The following RPS6KA1 variants were observed in gnomAD, a reference collection of about 807,000 sequenced individuals.
RPS6KA1 encodes the protein ribosomal protein S6 kinase alpha-1.
Under a neutral mutation model 91.3 loss-of-function variants are expected in RPS6KA1, and 48 were observed. That is an observed-to-expected ratio of 0.53 (90% CI 0.42 to 0.67). RPS6KA1 has a LOEUF of 0.67. Among genes scored for constraint, RPS6KA1 ranks in the 30% least tolerant of loss-of-function variants. The pLI, the probability that RPS6KA1 is intolerant of heterozygous loss-of-function variation, is 0.00. For synonymous variants in RPS6KA1, 359 were observed against 384.7 expected (o/e 0.93, Z 0.78); for missense variants, 719 against 960.5 (o/e 0.75, Z 3.32).
At chr1:26,568,065 G>A (rs1419401404) in intron 17 of RPS6KA1, among the ~76,000 whole-genome samples, 1 of 152,186 alleles carries the variant, frequency 6.6e-6, no homozygotes, top group East Asian at 1.9e-4. Flanking sequence ...AAGATAAGGG[G>A]TGTTTTTTGA....
rs2076082418 is a variant in RPS6KA1 at position 26,554,584 on chromosome 1, T to A, written c.614-12T>A. Reference sequence around the variant, plus strand: ...GGTCCTAAGGTGTGTCCTCCTGCCCTCCTTGCTGTAGACTTTGGCCTGAGC... The same window carrying A: ...GGTCCTAAGGTGTGTCCTCCTGCCCACCTTGCTGTAGACTTTGGCCTGAGC... On this transcript the variant is annotated splice_polypyrimidine_tract_variant and intron_variant, in intron 8 of 21. Coordinates refer to ENST00000374168, the MANE Select transcript of RPS6KA1 (RefSeq NM_002953.4). The surrounding 1 kb of genome is among the most constrained non-coding windows in gnomAD (Gnocchi z 4.6). The A allele has an allele frequency of 1.9e-6, 3 of 1,607,728 alleles. No individual in the cohort carries two copies. Among genetic ancestry groups the A allele is most frequent in the South Asian group, 2.2e-5 (2 of 90,712 alleles).
intron 2 of RPS6KA1, among the ~76,000 whole-genome samples, chr1:26,541,558 GA>G (rs915995933): frequency 4.5e-4 from 68 of 151,966 alleles, no homozygotes; most frequent in African/African-American, 1.6e-3. Context: ...CCCTCTCAAA[GA>G]AAAAAAAGGC....
intron 2 of RPS6KA1, among the ~76,000 whole-genome samples, chr1:26,541,813 C>G (rs1176593167): frequency 6.6e-6 from 1 of 152,174 alleles, no homozygotes; most frequent in Non-Finnish European, 1.5e-5. Context: ...CTTTTGGTGT[C>G]CGTTAGGGCC....
At position 26,572,201 on chromosome 1, in the gene RPS6KA1, A is replaced by G. The variant is rs368086441; in HGVS notation, c.1855A>G (p.Ser619Gly). ...AGYTPFANGPSDTPEEILTRI... is the reference protein window; with the variant it reads ...AGYTPFANGPGDTPEEILTRI... Reference sequence around the variant, plus strand: ...ATATACTCCATTTGCCAACGGTCCCAGTGACACACCAGAGGAAATCCTAAC... The same window carrying G: ...ATATACTCCATTTGCCAACGGTCCCGGTGACACACCAGAGGAAATCCTAAC... The change falls in exon 20 of 22, where the codon AGT becomes GGT. Residue 619 changes from serine to glycine, a missense_variant. Ser to Gly is a moderately conservative substitution (Grantham distance 56). Around this residue, in one of 5 missense-constraint regions of RPS6KA1, gnomAD observed 249 missense variants for 323.1 expected, o/e 0.77. Transcript: ENST00000374168. 6.2e-7 allele frequency: 1 copy of G among 1,614,068 alleles called. No homozygotes were observed. Among genetic ancestry groups the G allele is most frequent in the Non-Finnish European group, 8.5e-7 (1 of 1,179,978 alleles).
At chr1:26,536,881 G>A (rs558356835) in intron 1 of RPS6KA1, 44 bp from the exon 2 acceptor site, 3 of 1,609,736 alleles carry the variant, frequency 1.9e-6, no homozygotes, top group Middle Eastern at 3.3e-4. Context: ...TCCCAAGCGT[G>A]TAAGTTCTGA....
At chr1:26,564,943 T>C (rs1311825629) in intron 17 of RPS6KA1, among the ~76,000 whole-genome samples, 2 of 152,256 alleles carry the variant, frequency 1.3e-5, no homozygotes, top group African/African-American at 4.8e-5. Flanking sequence ...GGCAAGCCAG[T>C]GTACCCGTGG....
chr1:26,546,869 T>A lies in RPS6KA1; in HGVS notation c.111T>A (p.Asp37Glu). Residue 37 changes from aspartate to glutamate, a missense_variant and splice_region_variant, in exon 3 of 22, where the codon GAT becomes GAA. Physicochemically the swap from Asp to Glu is conservative, Grantham distance 45. Transcript: ENST00000374168. ...GEEAGLQPSK[D>E]EGVLKEISIT... ...CACCAGCTCTGTCCCTCCATCAGGA[T>A]GAGGGCGTCCTCAAGGAGATCTCCA... 1 of 1,613,306 alleles carries A rather than the reference T, an allele frequency of 6.2e-7. No homozygotes were observed. Among genetic ancestry groups the A allele is most frequent in the Non-Finnish European group, 8.5e-7 (1 of 1,179,312 alleles).
intron 2 of RPS6KA1, among the ~76,000 whole-genome samples, chr1:26,537,954 C>T (rs2075918506): frequency 6.6e-6 from 1 of 152,244 alleles, no homozygotes; most frequent in African/African-American, 2.4e-5. Context: ...TTGCTCAGCT[C>T]AGCTTCCTGC....
At chr1:26,536,879 G>A (rs538528569) in intron 1 of RPS6KA1, 46 bp from the exon 2 acceptor site, 16 of 1,607,168 alleles carry the variant, frequency 1.0e-5, no homozygotes, top group East Asian at 2.2e-5. Context: ...TCTCCCAAGC[G>A]TGTAAGTTCT....
intron 17 of RPS6KA1, among the ~76,000 whole-genome samples, chr1:26,569,820 C>A (rs1381606765): frequency 6.6e-6 from 1 of 152,150 alleles, no homozygotes; most frequent in Non-Finnish European, 1.5e-5. Context: ...ATGATCGTTA[C>A]CGAAGGAGCC....
intron 2 of RPS6KA1, among the ~76,000 whole-genome samples, chr1:26,544,447 T>C (rs2075974461): frequency 6.6e-6 from 1 of 151,278 alleles, no homozygotes; most frequent in African/African-American, 2.4e-5. Context: ...GTCTCTGCCT[T>C]TTGGATACAT....
rs1023265070 is a variant in RPS6KA1, at chr1:26,565,410, G to C, written c.1590+3747G>C. The stretch of plus-strand genomic sequence containing the variant: ...ACAAGTCAATAAATTTTCAAAAAGT[G>C]AATACACCTGTGTAACCAGTACCCA... On this transcript the variant is annotated intron_variant, in intron 17 of 21. Coordinates refer to ENST00000374168, the MANE Select transcript of RPS6KA1 (RefSeq NM_002953.4). Among the ~76,000 whole-genome samples the C allele has an allele frequency of 1.1e-4, 16 of 151,994 alleles. 1 individual carries two copies. Among genetic ancestry groups the C allele is most frequent in the African/African-American group, 3.9e-4 (16 of 41,474 alleles).
chr1:26,557,717 T>C (rs958710279), intron 13 of RPS6KA1, among the ~76,000 whole-genome samples: 26 of 150,850 alleles, frequency 1.7e-4, no homozygotes, highest in African/African-American at 2.9e-4. Context: ...GGAAACCTCC[T>C]ATAAGGGCAT....
chr1:26,568,821 A>T (rs1487764253), intron 17 of RPS6KA1, among the ~76,000 whole-genome samples: 4 of 152,194 alleles, frequency 2.6e-5, no homozygotes, highest in Non-Finnish European at 5.9e-5. Flanking sequence ...CATGTGTGCC[A>T]CACTAAACTG....
In RPS6KA1 at chr1:26,547,152, C is replaced by G. The variant is rs1031779370; in HGVS notation, c.226-37C>G. 1 of 1,606,940 alleles carries G rather than the reference C, an allele frequency of 6.2e-7. No homozygotes were observed. The highest frequency in any genetic ancestry group is 1.3e-5 in the African/African-American group (1 of 74,824). On this transcript the variant is annotated intron_variant, in intron 3 of 21. Transcript: ENST00000374168. This position sits in a 1 kb window ranked among gnomAD's most constrained non-coding sequence, Gnocchi z 4.1. ...GAGGTCAGCCTGGACTCAGACCTCT[C>G]CCATCTTCTGCCCTGCTTCCTGCTC...
chr1:26,553,542 C>T (rs766264061), intron 7 of RPS6KA1, 45 bp downstream of exon 7: 1 of 1,298,282 alleles, frequency 7.7e-7, no homozygotes, highest in Admixed American at 1.7e-5. Context: ...CAGGGGAGGC[C>T]TCTTCTAGGA....
At chr1:26,535,104 G>A (rs1469895812) in intron 1 of RPS6KA1, among the ~76,000 whole-genome samples, 1 of 152,080 alleles carries the variant, frequency 6.6e-6, no homozygotes, top group African/African-American at 2.4e-5. Context: ...GTGAAGTGGA[G>A]CTCAGTCTAC....
chr1:26,553,626 G>A, intron 7 of RPS6KA1, 129 bp downstream of exon 7: 1 of 526,480 alleles, frequency 1.9e-6, no homozygotes, highest in South Asian at 2.8e-5. Context: ...CTGAGGGATG[G>A]GTGAGTGGGG....
rs12121702 is a variant in RPS6KA1 at position 26,574,314 on chromosome 1, G to A, written c.*113G>A. On this transcript the variant is annotated 3_prime_UTR_variant, in exon 22 of 22. Coordinates refer to ENST00000374168, the MANE Select transcript of RPS6KA1 (RefSeq NM_002953.4). The surrounding 1 kb of genome is among the most constrained non-coding windows in gnomAD (Gnocchi z 4.3). Reference sequence around the variant, plus strand: ...AGAGGGAGCTGGAACCCGAGGGGCCGGGGAAGCTGCCAGCCCAGAACACCC... The same window carrying A: ...AGAGGGAGCTGGAACCCGAGGGGCCAGGGAAGCTGCCAGCCCAGAACACCC... 0.12 allele frequency: 165,257 copies of A among 1,370,486 alleles called. 11,241 individuals are homozygous for A. The highest frequency in any genetic ancestry group is 0.14 in the Non-Finnish European group (132,488 of 960,748). The allele number at this position is 1,370,486 out of a possible 1,614,324, so 84.9% of individuals were successfully genotyped here.
Sources: gnomAD v4.1 joint callset for allele counts (sites outside exome capture counted in the v4.1 genomes callset) on GRCh38, gnomAD v4.1.1 for gene constraint, gnomAD v4.1.1 regional missense constraint, Gnocchi (gnomAD v3.1) non-coding constraint, MANE v1.5 for transcripts, NCBI Gene and HGNC (gene_info 2026-07-23, HGNC 2026-07-21) for gene names.